LEMD3: variants seen among roughly 807,000 people sequenced by gnomAD.
LEMD3 encodes LEM domain containing 3, also known as inner nuclear membrane protein Man1.
A neutral mutation model predicts 95.2 loss-of-function variants in LEMD3; 33 were observed. That is an observed-to-expected ratio of 0.35 (90% CI 0.26 to 0.46). LEMD3 has a LOEUF of 0.46. Among genes scored for constraint, LEMD3 ranks in the 20% least tolerant of loss-of-function variants. LEMD3 has a pLI of 1.00. For missense variants in LEMD3, 1,210 were observed against 1,192.8 expected (o/e 1.01, Z -0.21); for synonymous variants, 525 against 474.6 (o/e 1.11, Z -1.38).
intron 1 of LEMD3, among the ~76,000 whole-genome samples, chr12:65,172,313 CTT>C (rs1274641368): frequency 1.3e-5 from 2 of 152,182 alleles, no homozygotes; most frequent in Non-Finnish European, 1.5e-5. Context: ...GCTTCCTACT[CTT>C]TTCACCCAAG....
chr12:65,204,870 T>G (rs77489726), intron 1 of LEMD3, among the ~76,000 whole-genome samples: 1 of 152,290 alleles, frequency 6.6e-6, no homozygotes, highest in East Asian at 1.9e-4. Flanking sequence ...GAGGGTACAA[T>G]TATAATGTGG....
chr12:65,190,627 C>A (rs536065276), intron 1 of LEMD3, among the ~76,000 whole-genome samples: 1 of 152,132 alleles, frequency 6.6e-6, no homozygotes, highest in African/African-American at 2.4e-5. Flanking sequence ...TTACATGTTT[C>A]GATTGATGTA....
chr12:65,218,645 T>C (rs1247400129), intron 4 of LEMD3, 26 bp downstream of exon 4: 3 of 1,366,296 alleles, frequency 2.2e-6, no homozygotes, highest in South Asian at 1.2e-5. Flanking sequence ...AGAATTTTAA[T>C]AGCTATATTT....
intron 1 of LEMD3, chr12:65,171,412 T>C (rs1275186892): frequency 1.8e-5 from 7 of 397,904 alleles, no homozygotes; most frequent in Non-Finnish European, 2.3e-5. Flanking sequence ...AATTCTCTTT[T>C]AGCCCTGAAA....
At chr12:65,194,806 T>TATTAATTATA (rs1869360319) in intron 1 of LEMD3, among the ~76,000 whole-genome samples, 1 of 150,078 alleles carries the variant, frequency 6.7e-6, no homozygotes, top group African/African-American at 2.4e-5. Flanking sequence ...TAAACTATTA[T>TATTAATTATA]CTTAATTATA....
At chr12:65,177,650 G>A in intron 1 of LEMD3, among the ~76,000 whole-genome samples, 1 of 152,070 alleles carries the variant, frequency 6.6e-6, no homozygotes, top group Middle Eastern at 3.4e-3. Flanking sequence ...TTAAATGTTT[G>A]TTTTTTTAAT....
At chr12:65,228,363 G>GC (rs1555195271) in intron 4 of LEMD3, among the ~76,000 whole-genome samples, 1 of 21,772 alleles carries the variant, frequency 4.6e-5, no homozygotes, top group Non-Finnish European at 1.5e-4. Flanking sequence ...AGCTTTTTGT[G>GC]TTTTATTATT....
chr12:65,204,174 A>ATTTTTTTTT (rs879289495), intron 1 of LEMD3, among the ~76,000 whole-genome samples: 1 of 134,978 alleles, frequency 7.4e-6, no homozygotes, highest in Non-Finnish European at 1.6e-5. Context: ...TTTTTTTTTC[A>ATTTTTTTTT]TTTTTTTTTT....
chr12:65,238,385 ATATTT>A (rs1221788533), intron 4 of LEMD3, 112 bp from the exon 5 acceptor site: 2 of 687,574 alleles, frequency 2.9e-6, no homozygotes, highest in African/African-American at 3.6e-5. Flanking sequence ...TCTGTAATGA[ATATTT>A]TATGTTATGT....
chr12:65,177,388 G>C (rs1013148239), intron 1 of LEMD3, among the ~76,000 whole-genome samples: 6 of 151,658 alleles, frequency 4.0e-5, no homozygotes, highest in African/African-American at 1.5e-4. Flanking sequence ...GAGACAGATA[G>C]GAGTCAAAGA....
chr12:65,170,443 C>A lies in LEMD3; in HGVS notation c.847C>A (p.Arg283=), dbSNP rs780417676. The A allele has an allele frequency of 6.2e-7, 1 of 1,613,866 alleles. No individual in the cohort carries two copies. Among genetic ancestry groups the A allele is most frequent in the Non-Finnish European group, 8.5e-7 (1 of 1,179,958 alleles). ...GGTATTAAAGGACGACTCCCTTTCC[C>A]GGCATCGGCCCAGACGAACCCATAG... ...RQVLKDDSLS[R]HRPRRTHSKP... Residue 283 remains arginine, a synonymous_variant, in exon 1 of 13, where the codon CGG becomes AGG. Coordinates refer to ENST00000308330, the MANE Select transcript of LEMD3 (RefSeq NM_014319.5).
At chr12:65,221,687 G>T (rs1870293739) in intron 4 of LEMD3, among the ~76,000 whole-genome samples, 1 of 150,838 alleles carries the variant, frequency 6.6e-6, no homozygotes, top group South Asian at 2.1e-4. Flanking sequence ...GATAGAGATG[G>T]GAAAAATAGC....
At chr12:65,216,641 T>TA (rs1387788990) in intron 3 of LEMD3, among the ~76,000 whole-genome samples, 1 of 151,750 alleles carries the variant, frequency 6.6e-6, no homozygotes, top group Non-Finnish European at 1.5e-5. Flanking sequence ...TTTTTTTTTT[T>TA]AAACATATAA....
intron 1 of LEMD3, among the ~76,000 whole-genome samples, chr12:65,188,681 T>A (rs1273543623): frequency 1.3e-5 from 2 of 152,170 alleles, no homozygotes; most frequent in African/African-American, 4.8e-5. Context: ...CTTGAGTGCT[T>A]GACTAAAACT....
At chr12:65,207,505 C>T (rs375187283) in intron 1 of LEMD3, among the ~76,000 whole-genome samples, 3 of 151,948 alleles carry the variant, frequency 2.0e-5, no homozygotes, top group African/African-American at 7.2e-5. Flanking sequence ...AGCATAGCTG[C>T]GAACTGAACC....
intron 1 of LEMD3, among the ~76,000 whole-genome samples, chr12:65,190,342 G>T (rs1416203079): frequency 6.6e-6 from 1 of 152,116 alleles, no homozygotes; most frequent in Non-Finnish European, 1.5e-5. Flanking sequence ...CCTCATTTAT[G>T]TTGGGGTTGG....
chr12:65,221,062 T>C (rs1277867866), intron 4 of LEMD3, among the ~76,000 whole-genome samples: 1 of 152,216 alleles, frequency 6.6e-6, no homozygotes, highest in Non-Finnish European at 1.5e-5. Context: ...AAAATGCTAT[T>C]GGGATTTTGT....
intron 3 of LEMD3, among the ~76,000 whole-genome samples, chr12:65,218,310 A>G (rs1037854370): frequency 6.6e-5 from 10 of 152,202 alleles, no homozygotes; most frequent in Non-Finnish European, 1.5e-4. Context: ...AAATGCATTT[A>G]AAAGTTGTGG....
intron 8 of LEMD3, 62 bp downstream of exon 8, chr12:65,240,300 G>A (rs1870896391): frequency 2.5e-6 from 3 of 1,209,718 alleles, no homozygotes; most frequent in Admixed American, 3.4e-5. Context: ...CTGCAGTATT[G>A]AAAATTATAT....
Sources: allele counts gnomAD v4.1 joint callset (sites outside exome capture counted in the v4.1 genomes callset), GRCh38; gene constraint gnomAD v4.1.1; transcripts MANE v1.5; gene names NCBI Gene and HGNC (gene_info 2026-07-23, HGNC 2026-07-21).